Variants in NF1 observed in about 807,000 individuals in gnomAD.
The protein encoded by NF1 is neurofibromin 1, also known as neurofibromin.
A neutral mutation model predicts 325.7 loss-of-function variants in NF1; 122 were observed. The ratio of observed to expected loss-of-function variants is 0.37; its 90% CI spans 0.32 to 0.44. NF1 has a LOEUF of 0.44. Ranked by LOEUF, NF1 falls within the 20% of genes least tolerant of loss-of-function variation. The probability of loss-of-function intolerance (pLI) is 1.00; values close to 1 mark genes in which losing one functional copy is unlikely to be tolerated. For missense variants in NF1, 2,140 were observed against 3,415.4 expected, an observed-to-expected ratio of 0.63 and a Z score of 9.31; for synonymous variants, 1,091 against 1,186.0, an observed-to-expected ratio of 0.92 and a Z score of 1.65.
At chr17:31,262,241 C>G (rs552532995) in intron 35 of NF1, among the ~76,000 whole-genome samples, 1 of 152,244 alleles carries the variant, frequency 6.6e-6, no homozygotes, top group East Asian at 1.9e-4. Context: ...TGCAGGACTT[C>G]TCTACTACAC....
chr17:31,169,837 C>T (rs895236265), intron 4 of NF1, 54 bp from the exon 5 acceptor site: 9 of 1,266,868 alleles, frequency 7.1e-6, no homozygotes, highest in East Asian at 2.4e-5. Flanking sequence ...TGAGATACCA[C>T]ACCTGTCCCC....
chr17:31,229,527 CTTTT>C, intron 21 of NF1, 62 bp downstream of exon 21: 1 of 1,546,630 alleles, frequency 6.5e-7, no homozygotes, highest in Non-Finnish European at 8.9e-7. Flanking sequence ...TGAAATAAGC[CTTTT>C]TCTTTCAGAT....
chr17:31,133,924 T>G (rs1915578793), intron 1 of NF1, among the ~76,000 whole-genome samples: 1 of 152,256 alleles, frequency 6.6e-6, no homozygotes, highest in Non-Finnish European at 1.5e-5. Flanking sequence ...CCCAAAATGT[T>G]GGGATTACAG....
chr17:31,166,947 C>A (rs1207280816), intron 4 of NF1, among the ~76,000 whole-genome samples: 2 of 152,120 alleles, frequency 1.3e-5, no homozygotes, highest in South Asian at 2.1e-4. Context: ...TGGACCTATA[C>A]ATTTAAAATA....
chr17:31,214,756 A>C (rs2066791539), intron 13 of NF1, among the ~76,000 whole-genome samples, 171 bp downstream of exon 13: 1 of 152,224 alleles, frequency 6.6e-6, no homozygotes, highest in Non-Finnish European at 1.5e-5. Flanking sequence ...AATGAATACT[A>C]ATATAATTAG....
At chr17:31,228,046 A>G (rs527467019) in intron 20 of NF1, among the ~76,000 whole-genome samples, 4 of 152,220 alleles carry the variant, frequency 2.6e-5, no homozygotes, top group Non-Finnish European at 5.9e-5. Flanking sequence ...GAAAAGGAGC[A>G]ACAGAGGTAG....
intron 36 of NF1, among the ~76,000 whole-genome samples, chr17:31,293,007 G>A (rs1453991254): frequency 3.3e-5 from 5 of 151,434 alleles, no homozygotes; most frequent in Non-Finnish European, 7.4e-5. Context: ...ATGAAGCCCC[G>A]TCTCTACTGA....
At chr17:31,265,180 T>A (rs369463498) in intron 35 of NF1, 49 bp from the exon 36 acceptor site, 55 of 1,245,842 alleles carry the variant, frequency 4.4e-5, no homozygotes, top group Non-Finnish European at 6.1e-5. Context: ...TTTTACATAC[T>A]CAGTAGACAA....
At chr17:31,317,800 G>A (rs990990348) in intron 36 of NF1, 5 of 152,618 alleles carry the variant, frequency 3.3e-5, no homozygotes, top group African/African-American at 1.2e-4. Flanking sequence ...TGTGTTGGTT[G>A]ATAAGCTGGT....
At chr17:31,260,723 G>T (rs1397616859) in intron 34 of NF1, among the ~76,000 whole-genome samples, 1 of 152,038 alleles carries the variant, frequency 6.6e-6, no homozygotes, top group Non-Finnish European at 1.5e-5. Context: ...GGTTCCAGTG[G>T]TCATTATTAT....
At chr17:31,166,419 T>C (rs1405557163) in intron 4 of NF1, among the ~76,000 whole-genome samples, 1 of 152,200 alleles carries the variant, frequency 6.6e-6, no homozygotes, top group Non-Finnish European at 1.5e-5. Context: ...TGCAAAGTTA[T>C]CTTTAGTGTG....
At chr17:31,149,521 A>T (rs976152513) in intron 1 of NF1, among the ~76,000 whole-genome samples, 2 of 152,184 alleles carry the variant, frequency 1.3e-5, no homozygotes, top group Non-Finnish European at 2.9e-5. Context: ...GCTGGTCTCG[A>T]TTGCCTGCCT....
At chr17:31,293,203 A>G (rs1449402883) in intron 36 of NF1, among the ~76,000 whole-genome samples, 1 of 138,754 alleles carries the variant, frequency 7.2e-6, no homozygotes, top group East Asian at 2.0e-4. Flanking sequence ...AAAAAAAAAA[A>G]AAAAAAAAGA....
intron 1 of NF1, among the ~76,000 whole-genome samples, chr17:31,153,613 A>C (rs921833656): frequency 6.6e-6 from 1 of 151,978 alleles, no homozygotes; most frequent in African/African-American, 2.4e-5. Context: ...TGCTTATACC[A>C]CATTAGTATT....
chr17:31,220,828 A>C (rs2066908988), intron 14 of NF1, among the ~76,000 whole-genome samples: 1 of 152,212 alleles, frequency 6.6e-6, no homozygotes, highest in Non-Finnish European at 1.5e-5. Flanking sequence ...ACTTAAAAAA[A>C]CTAGTGCCAG....
chr17:31,205,296 A>T (rs931240068), intron 11 of NF1, among the ~76,000 whole-genome samples: 1 of 152,158 alleles, frequency 6.6e-6, no homozygotes, highest in African/African-American at 2.4e-5. Context: ...AATCCCTCTT[A>T]TCTACAATTT....
intron 1 of NF1, among the ~76,000 whole-genome samples, chr17:31,107,261 T>C (rs181616612): frequency 6.6e-6 from 1 of 152,258 alleles, no homozygotes; most frequent in East Asian, 1.9e-4. Flanking sequence ...TTTCTTTCCC[T>C]GTTATGTTTC....
intron 5 of NF1, among the ~76,000 whole-genome samples, chr17:31,176,583 A>G (rs2066027153): frequency 6.6e-6 from 1 of 152,108 alleles, no homozygotes; most frequent in African/African-American, 2.4e-5. Context: ...GTCTTTCCCC[A>G]TGCCTATGTC....
chr17:31,336,763 T>C lies in NF1; in HGVS notation c.6276T>C (p.Asn2092=). 6.2e-7 allele frequency: 1 copy of C among 1,614,150 alleles called. No individual in the cohort carries two copies. The highest frequency in any genetic ancestry group is 1.1e-5 in the South Asian group (1 of 91,080). ...ACATGCTGATGCTGTCCTTCAACAA[T>C]TCCCTTGATGTGGCAGCTCATCTTC... ...ARYMLMLSFN[N]SLDVAAHLPY... is the part of the protein sequence containing the mutation. Residue 2092 remains asparagine (N), a synonymous_variant, in exon 42 of 58, where the codon AAT becomes AAC. Transcript: ENST00000358273. The surrounding 1 kb of genome is among the most constrained non-coding windows in gnomAD (Gnocchi z 5.5).
Sources: allele counts gnomAD v4.1 joint callset (sites outside exome capture counted in the v4.1 genomes callset), GRCh38; gene constraint gnomAD v4.1.1; non-coding constraint Gnocchi (gnomAD v3.1); transcripts MANE v1.5; gene names NCBI Gene and HGNC (gene_info 2026-07-23, HGNC 2026-07-21).